Variants in RELN observed in about 807,000 individuals in gnomAD.
RELN encodes reelin.
Under a neutral mutation model 427.6 loss-of-function variants are expected in RELN, and 108 were observed. That is an observed-to-expected ratio of 0.25 (90% CI 0.22 to 0.30). The LOEUF is 0.30. RELN is among the 10% of genes least tolerant of loss of function. The probability of loss-of-function intolerance (pLI) is 1.00; values close to 1 mark genes in which losing one functional copy is unlikely to be tolerated. For missense variants in RELN, 3,715 were observed against 4,302.8 expected (o/e 0.86, Z 3.82); for synonymous variants, 1,524 against 1,513.4 (o/e 1.01, Z -0.16).
rs1239299955 is a variant in RELN at position 103,565,399 on chromosome 7, C to T, written c.5089G>A (p.Val1697Ile). ...SLNNGKDWHL[V>I]TEECVPPTIG... The stretch of plus-strand genomic sequence containing the variant: ...GTTGGAGGAACACACTCTTCGGTGA[C>T]AAGATGCCAGTCCTTGCCATTGTTC... The change falls in exon 34 of 65, where the codon GTC becomes ATC. Residue 1697 changes from valine (V) to isoleucine (I), a missense_variant. Physicochemically the swap from Val to Ile is conservative, Grantham distance 29. This residue lies in a region of RELN where 2,208 missense variants were observed against 2,361.7 expected (regional missense o/e 0.93). Coordinates refer to ENST00000428762, the MANE Select transcript of RELN (RefSeq NM_005045.4). The T allele has an allele frequency of 1.2e-6, 2 of 1,614,058 alleles. No homozygotes were observed. Among genetic ancestry groups the T allele is most frequent in the East Asian group, 4.5e-5 (2 of 44,874 alleles).
chr7:103,855,805 TG>T (rs1705925086), intron 2 of RELN, among the ~76,000 whole-genome samples: 1 of 152,150 alleles, frequency 6.6e-6, no homozygotes, highest in African/African-American at 2.4e-5. Context: ...GCATTCTCCC[TG>T]TATCTCTGTA....
chr7:103,811,517 T>C (rs914122996), intron 3 of RELN, among the ~76,000 whole-genome samples: 3 of 152,186 alleles, frequency 2.0e-5, no homozygotes, highest in African/African-American at 7.2e-5. Context: ...TTTAATGATA[T>C]TGATGAGATA....
At chr7:103,868,927 G>C (rs1025647918) in intron 2 of RELN, among the ~76,000 whole-genome samples, 7 of 151,660 alleles carry the variant, frequency 4.6e-5, no homozygotes, top group African/African-American at 1.7e-4. Flanking sequence ...CAATCTATTT[G>C]CTTTTTTTCT....
At chr7:103,702,815 G>A (rs1041986121) in intron 8 of RELN, among the ~76,000 whole-genome samples, 12 of 152,100 alleles carry the variant, frequency 7.9e-5, no homozygotes, top group Non-Finnish European at 1.0e-4. Context: ...CAGCCTCACC[G>A]GTTCTCACCC....
chr7:103,660,985 G>A (rs1833127992), intron 12 of RELN, among the ~76,000 whole-genome samples: 1 of 152,168 alleles, frequency 6.6e-6, no homozygotes. Flanking sequence ...CTACAAAAGA[G>A]TTATGCAATG....
At chr7:103,913,944 T>C (rs910439413) in intron 2 of RELN, among the ~76,000 whole-genome samples, 2 of 152,204 alleles carry the variant, frequency 1.3e-5, no homozygotes, top group Non-Finnish European at 2.9e-5. Flanking sequence ...GCAAAGGATC[T>C]AGTGTAAGAC....
intron 31 of RELN, among the ~76,000 whole-genome samples, chr7:103,571,370 C>T (rs921222478): frequency 2.6e-5 from 4 of 152,174 alleles, no homozygotes; most frequent in African/African-American, 9.6e-5. Flanking sequence ...TCCCAGAGGC[C>T]ACCTATGCTT....
At chr7:103,927,867 T>G (rs1182891060) in intron 1 of RELN, among the ~76,000 whole-genome samples, 1 of 152,156 alleles carries the variant, frequency 6.6e-6, no homozygotes, top group African/African-American at 2.4e-5. Flanking sequence ...GTTAAGTGAT[T>G]AGTTATCTAA....
intron 5 of RELN, 118 bp downstream of exon 5, chr7:103,753,064 G>T: frequency 2.0e-6 from 2 of 1,005,212 alleles, no homozygotes; most frequent in Non-Finnish European, 1.6e-6. Flanking sequence ...TTCAGTGACT[G>T]ATCAATGATC....
intron 4 of RELN, among the ~76,000 whole-genome samples, chr7:103,756,269 G>A (rs1791149883): frequency 6.6e-6 from 1 of 152,194 alleles, no homozygotes; most frequent in African/African-American, 2.4e-5. Flanking sequence ...GGCCATTTTA[G>A]AAAGACCCAC....
intron 2 of RELN, among the ~76,000 whole-genome samples, chr7:103,913,786 T>A (rs1795421918): frequency 6.6e-6 from 1 of 152,224 alleles, no homozygotes; most frequent in Non-Finnish European, 1.5e-5. Flanking sequence ...CTTTGTTATA[T>A]AATATCCAGG....
intron 4 of RELN, among the ~76,000 whole-genome samples, chr7:103,774,521 C>T (rs1180002845): frequency 3.3e-5 from 5 of 152,008 alleles, no homozygotes; most frequent in East Asian, 1.9e-4. Flanking sequence ...ACATACTGAG[C>T]GTGTTAAAAT....
rs377638413 is a variant in RELN, at chr7:103,949,443, G to T, written c.227-32258C>A. 3.0e-4 allele frequency among the ~76,000 whole-genome samples: 46 copies of T among 151,964 alleles called. No homozygotes were observed. The East Asian group carries it at 6.8e-3, about 22-fold the overall frequency. ...TATTTAGAGGTGGGGACTTTGGGAG[G>T]TAATTAGGTCATAAACGAGGAGCCC... is the stretch of plus-strand genomic sequence containing the variant. On this transcript the variant is annotated intron_variant, in intron 1 of 64. Coordinates refer to ENST00000428762, the MANE Select transcript of RELN (RefSeq NM_005045.4).
intron 2 of RELN, among the ~76,000 whole-genome samples, chr7:103,874,091 G>A (rs1405103752): frequency 2.8e-5 from 4 of 145,300 alleles, no homozygotes; most frequent in Non-Finnish European, 6.1e-5. Context: ...TATAAACAGA[G>A]CCAAAGACAA....
intron 28 of RELN, among the ~76,000 whole-genome samples, chr7:103,587,629 A>G (rs1435985091): frequency 6.6e-6 from 1 of 152,172 alleles, no homozygotes; most frequent in Non-Finnish European, 1.5e-5. Flanking sequence ...TTTTCATCCA[A>G]CAAGGGACCA....
At chr7:103,763,803 T>C (rs1791360331) in intron 4 of RELN, among the ~76,000 whole-genome samples, 1 of 151,902 alleles carries the variant, frequency 6.6e-6, no homozygotes, top group Non-Finnish European at 1.5e-5. Context: ...ATCAGGGAAG[T>C]CCTGAAATCC....
chr7:103,914,799 CTTG>C (rs1299579727), intron 2 of RELN, among the ~76,000 whole-genome samples: 1 of 152,110 alleles, frequency 6.6e-6, no homozygotes, highest in African/African-American at 2.4e-5. Context: ...CTGGCTCCTT[CTTG>C]TTGCCGATGC....
chr7:103,817,532 C>T (rs1165732972), intron 3 of RELN, among the ~76,000 whole-genome samples: 1 of 152,194 alleles, frequency 6.6e-6, no homozygotes, highest in Middle Eastern at 3.2e-3. Context: ...TAATATTAAT[C>T]ATGCTCACAT....
At chr7:103,669,167 C>T in intron 11 of RELN, among the ~76,000 whole-genome samples, 1 of 152,092 alleles carries the variant, frequency 6.6e-6, no homozygotes, top group East Asian at 1.9e-4. Flanking sequence ...CCCACGCTAA[C>T]TGTTGGAAGA....
Sources: gnomAD v4.1 joint callset for allele counts (sites outside exome capture counted in the v4.1 genomes callset) on GRCh38, gnomAD v4.1.1 for gene constraint, gnomAD v4.1.1 regional missense constraint, MANE v1.5 for transcripts, NCBI Gene and HGNC (gene_info 2026-07-23, HGNC 2026-07-21) for gene names.